KIR2DL3: variants seen among roughly 807,000 people sequenced by gnomAD.
KIR2DL3 encodes the protein killer cell immunoglobulin-like receptor 2DL3.
A neutral mutation model predicts 33.8 loss-of-function variants in KIR2DL3; 39 were observed. The ratio of observed to expected loss-of-function variants is 1.15; its 90% CI spans 0.89 to 1.51. The LOEUF is 1.51. Among genes scored for constraint, KIR2DL3 ranks in the 40% most tolerant of loss-of-function variants. KIR2DL3 has a pLI of 0.00. For synonymous variants in KIR2DL3, 174 were observed against 160.2 expected (o/e 1.09, Z -0.65); for missense variants, 462 against 426.2 (o/e 1.08, Z -0.74).
intron 1 of KIR2DL3, 129 bp downstream of exon 1, chr19:54,738,708 GGGCCTGGAGTGGAGATCT>G: frequency 2.5e-6 from 2 of 785,704 alleles, no homozygotes; most frequent in Non-Finnish European, 3.5e-6. Context: ...GTGGAGATCT[GGGCCTGGAGTGGAGATCT>G]GGGCCTGGAG....
chr19:54,743,865 G>A lies in KIR2DL3; in HGVS notation c.441G>A (p.Leu147=). 6.2e-7 allele frequency: 1 copy of A among 1,613,790 alleles called. No homozygotes were observed. Among genetic ancestry groups the A allele is most frequent in the South Asian group, 1.1e-5 (1 of 91,082 alleles). Residue 147 remains leucine, a synonymous_variant, in exon 4 of 8, where the codon TTG becomes TTA. Transcript: ENST00000342376. ...TTCTGGCAGGAGAGAGCGTGACCTT[G>A]TCCTGCAGCTCCCGGAGCTCCTATG... The part of the protein sequence containing the change: ...PTVLAGESVT[L]SCSSRSSYDM...
Position 54,752,757 on chromosome 19 carries a change from C to G in KIR2DL3, c.*238C>G. 2 of 637,006 alleles carry G rather than the reference C, an allele frequency of 3.1e-6. No homozygotes were observed. Among genetic ancestry groups the G allele is most frequent in the South Asian group, 4.2e-5 (2 of 47,374 alleles). 39.5% of individuals were successfully genotyped at this position (637,006 alleles called of 1,614,324 possible). A position where few individuals can be genotyped will look rare whatever the true frequency, so the allele number is the denominator to read the frequency against. On this transcript the variant is annotated 3_prime_UTR_variant, in exon 8 of 8. Transcript: ENST00000342376. ...CTGCCTGCTGGAGAGAAAACACACTCCTTTGCTTAGCCCACAATTCTCCAT... is the reference window on the plus strand; with the variant it reads ...CTGCCTGCTGGAGAGAAAACACACTGCTTTGCTTAGCCCACAATTCTCCAT...
chr19:54,744,683 C>T (rs561916033), intron 4 of KIR2DL3, among the ~76,000 whole-genome samples: 21 of 149,804 alleles, frequency 1.4e-4, no homozygotes, highest in South Asian at 1.1e-3. Context: ...CGCACCACCA[C>T]GCCAGGCTAC....
In KIR2DL3 at chr19:54,738,712, C is replaced by T. The variant is rs1216000231; in HGVS notation, c.34+133C>T. ...TGGGCCTAGAAGTGGAGATCTGGGC[C>T]TGGAGTGGAGATCTGGGCCTGGAGT... On this transcript the variant is annotated intron_variant, in intron 1 of 7. Coordinates refer to ENST00000342376, the MANE Select transcript of KIR2DL3 (RefSeq NM_015868.3). 100 of 737,188 alleles carry T rather than the reference C, an allele frequency of 1.4e-4. No individual in the cohort carries two copies. The South Asian group carries it at 3.0e-3, about 22-fold the overall frequency. 45.7% of individuals were successfully genotyped at this position (737,188 alleles called of 1,614,324 possible). A position where few individuals can be genotyped will look rare whatever the true frequency, so the allele number is the denominator to read the frequency against.
intron 5 of KIR2DL3, among the ~76,000 whole-genome samples, chr19:54,750,007 T>C (rs2073171031): frequency 1.5e-5 from 2 of 130,802 alleles, no homozygotes; most frequent in Admixed American, 1.6e-4. Context: ...ACTTCTTTGA[T>C]CCTTTATCTT....
intron 3 of KIR2DL3, among the ~76,000 whole-genome samples, chr19:54,743,238 A>T (rs1340901910): frequency 2.0e-5 from 3 of 152,204 alleles, no homozygotes; most frequent in Admixed American, 2.0e-4. Flanking sequence ...ATTCATTAAT[A>T]GATAATACAT....
intron 4 of KIR2DL3, among the ~76,000 whole-genome samples, chr19:54,745,407 G>C (rs576147387): frequency 1.8e-4 from 27 of 151,774 alleles, no homozygotes; most frequent in African/African-American, 6.0e-4. Flanking sequence ...CTGTGCCCAG[G>C]CTGGAGTACA....
chr19:54,740,937 GAT>G (rs2070950576), intron 2 of KIR2DL3, among the ~76,000 whole-genome samples: 1 of 151,416 alleles, frequency 6.6e-6, no homozygotes, highest in African/African-American at 2.4e-5. Context: ...GGAAGGCCAA[GAT>G]CCATGAATGC....
At chr19:54,738,899 ATGGGCC>A (rs2070353669) in intron 1 of KIR2DL3, among the ~76,000 whole-genome samples, 22 of 109,804 alleles carry the variant, frequency 2.0e-4, no homozygotes, top group South Asian at 1.1e-3. Flanking sequence ...GAGTGGAGAT[ATGGGCC>A]TGGAGTGGAG....
chr19:54,744,013 A>T lies in KIR2DL3; in HGVS notation c.589A>T (p.Arg197Ter). The T allele has an allele frequency of 6.2e-7, 1 of 1,614,266 alleles. No homozygotes were observed. Among genetic ancestry groups the T allele is most frequent in the Non-Finnish European group, 8.5e-7 (1 of 1,180,050 alleles). ...CCCTGCCACCCACGGAGGAACCTAC[A>T]GATGCTTCGGCTCTTTCCGTGACTC... ...LGPATHGGTY[R>*]CFGSFRDSPY... Residue 197 changes from arginine (R) to a stop codon, truncating the protein, a stop_gained, in exon 4 of 8, where the codon AGA (arginine) becomes TGA (stop). Transcript: ENST00000342376. LOFTEE classifies it high-confidence loss of function.
intron 5 of KIR2DL3, 52 bp downstream of exon 5, chr19:54,747,437 A>C (rs1412672893): frequency 6.3e-7 from 1 of 1,581,736 alleles, no homozygotes; most frequent in Non-Finnish European, 8.7e-7. Flanking sequence ...GGAGGTAGAA[A>C]CCTTCGATGC....
In KIR2DL3 at chr19:54,750,844, A is replaced by C. The variant is rs1194832725; in HGVS notation, c.716-805A>C. ...TACTCGGGACATATGGAGTCACCCCATTTGCAGTGTAGCTGGGGGAAGCCA... is the reference window on the plus strand; with the variant it reads ...TACTCGGGACATATGGAGTCACCCCCTTTGCAGTGTAGCTGGGGGAAGCCA... On this transcript the variant is annotated intron_variant, in intron 5 of 7. Coordinates refer to ENST00000342376, the MANE Select transcript of KIR2DL3 (RefSeq NM_015868.3). Among the ~76,000 whole-genome samples the C allele has an allele frequency of 3.0e-5, 4 of 133,746 alleles. 1 individual carries two copies. The highest frequency in any genetic ancestry group is 6.6e-5 in the Non-Finnish European group (4 of 60,974). The allele number at this position is 133,746 out of a possible 152,430, so 87.7% of individuals were successfully genotyped here.
rs756277741 is a variant in KIR2DL3 at position 54,738,517 on chromosome 19, C to A, written c.-29C>A. On this transcript the variant is annotated 5_prime_UTR_variant, in exon 1 of 8. Transcript: ENST00000342376. The stretch of plus-strand genomic sequence containing the variant: ...TGTGCGCTGCTGAGCTGAGCTGGGG[C>A]GCGGCCGCCTGTCTGCACAGACAGC... The A allele has an allele frequency of 3.1e-6, 5 of 1,613,298 alleles. No individual in the cohort carries two copies. Among genetic ancestry groups the A allele is most frequent in the Admixed American group, 1.7e-5 (1 of 59,976 alleles).
chr19:54,751,828 T>C, intron 6 of KIR2DL3, 75 bp downstream of exon 6: 1 of 1,207,606 alleles, frequency 8.3e-7, no homozygotes, highest in East Asian at 2.3e-5. Flanking sequence ...CAGGTGTGTG[T>C]TCCTCACAGA....
chr19:54,748,803 T>A (rs1462561506), intron 5 of KIR2DL3, among the ~76,000 whole-genome samples: 8 of 147,344 alleles, frequency 5.4e-5, no homozygotes, highest in African/African-American at 2.0e-4. Context: ...TTTTGTATAT[T>A]TTTTGTAGAG....
intron 2 of KIR2DL3, among the ~76,000 whole-genome samples, chr19:54,741,116 A>T (rs543518837): frequency 1.1e-4 from 16 of 151,470 alleles, no homozygotes; most frequent in South Asian, 4.2e-4. Flanking sequence ...CATGCTTCTG[A>T]TAATTTTCTA....
intron 5 of KIR2DL3, among the ~76,000 whole-genome samples, chr19:54,750,432 G>C (rs189386229): frequency 7.0e-6 from 1 of 141,910 alleles, no homozygotes; most frequent in Admixed American, 7.3e-5. Flanking sequence ...AGATCACAAA[G>C]AGTAGCACGT....
chr19:54,739,654 TG>T (rs993879841), intron 2 of KIR2DL3, 112 bp downstream of exon 2: 4 of 1,568,944 alleles, frequency 2.5e-6, no homozygotes, highest in Non-Finnish European at 3.5e-6. Flanking sequence ...GAGAGGACCC[TG>T]GGGTGCTCAG....
intron 2 of KIR2DL3, among the ~76,000 whole-genome samples, chr19:54,740,766 T>C (rs558222797): frequency 2.0e-5 from 3 of 151,796 alleles, no homozygotes; most frequent in Admixed American, 6.6e-5. Flanking sequence ...ATTTATGTTA[T>C]AGGGGAAGGG....
Sources: gnomAD v4.1 joint callset for allele counts (sites outside exome capture counted in the v4.1 genomes callset) on GRCh38, gnomAD v4.1.1 for gene constraint, MANE v1.5 for transcripts, NCBI Gene and HGNC (gene_info 2026-07-23, HGNC 2026-07-21) for gene names.